The following CRK variants were observed in gnomAD, a reference collection of about 807,000 sequenced individuals.
The protein encoded by CRK is adapter molecule crk.
Under a neutral mutation model 29.8 loss-of-function variants are expected in CRK, and 4 were observed. The ratio of observed to expected loss-of-function variants is 0.13; its 90% CI spans 0.07 to 0.31. CRK has a LOEUF of 0.31. Ranked by LOEUF, CRK falls within the 10% of genes least tolerant of loss-of-function variation. The pLI, the probability that CRK is intolerant of heterozygous loss-of-function variation, is 1.00. For missense variants in CRK, 274 were observed against 396.5 expected (o/e 0.69, Z 2.62); for synonymous variants, 153 against 164.9 (o/e 0.93, Z 0.55).
intron 1 of CRK, among the ~76,000 whole-genome samples, chr17:1,448,706 G>T (rs1397848160): frequency 1.4e-5 from 2 of 147,712 alleles, no homozygotes; most frequent in African/African-American, 5.1e-5. Context: ...AATTCCTTCA[G>T]CAATTTTCAA....
chr17:1,449,148 G>C (rs1484926166), intron 1 of CRK, among the ~76,000 whole-genome samples: 2 of 152,118 alleles, frequency 1.3e-5, no homozygotes, highest in Non-Finnish European at 2.9e-5. Context: ...TCAAAATGAA[G>C]CACGTTTTAT....
chr17:1,441,329 T>C (rs1451202190), intron 1 of CRK, among the ~76,000 whole-genome samples: 1 of 151,844 alleles, frequency 6.6e-6, no homozygotes, highest in African/African-American at 2.4e-5. Flanking sequence ...GAGTACATGA[T>C]TTTGTTATTT....
At chr17:1,453,917 A>G (rs1598307524) in intron 1 of CRK, among the ~76,000 whole-genome samples, 1 of 144,860 alleles carries the variant, frequency 6.9e-6, no homozygotes, top group East Asian at 2.1e-4. Context: ...TCAAACAAAC[A>G]AAGCTGGGTG....
intron 1 of CRK, among the ~76,000 whole-genome samples, chr17:1,444,627 G>A (rs567801594): frequency 3.5e-5 from 5 of 144,228 alleles, no homozygotes; most frequent in East Asian, 4.1e-4. Context: ...TCGGGAGTTC[G>A]AGAGCAGCCT....
chr17:1,424,066 C>CCT (rs377118675), intron 2 of CRK, among the ~76,000 whole-genome samples: 5 of 114,144 alleles, frequency 4.4e-5, no homozygotes, highest in African/African-American at 1.6e-4. Flanking sequence ...CAGCTTTCTC[C>CCT]GTTTTTTTTT....
intron 1 of CRK, among the ~76,000 whole-genome samples, chr17:1,454,804 A>T (rs1427194611): frequency 6.6e-6 from 1 of 152,146 alleles, no homozygotes; most frequent in Non-Finnish European, 1.5e-5. Flanking sequence ...GTACCTCACA[A>T]ATCTCCAGTA....
At chr17:1,447,526 G>C (rs1409267793) in intron 1 of CRK, among the ~76,000 whole-genome samples, 1 of 151,812 alleles carries the variant, frequency 6.6e-6, no homozygotes, top group Non-Finnish European at 1.5e-5. Context: ...GGCTCTGTGG[G>C]CTAAAATAGG....
Position 1,455,887 on chromosome 17 carries a change from C to G in CRK, c.231G>C (p.Gln77His), listed in dbSNP as rs766205321. Residue 77 changes from glutamine (Q) to histidine (H), a missense_variant, in exon 1 of 3, where the codon CAG becomes CAC. By Grantham distance (24) the Gln-to-His change is conservative (BLOSUM62 0). This residue lies in a region of CRK where 135 missense variants were observed against 180.9 expected (regional missense o/e 0.75). Coordinates refer to ENST00000300574, the MANE Select transcript of CRK (RefSeq NM_016823.4). ...PRPPVPPSPA[Q>H]PPPGVSPSRL... ...CCGTCAGTCCCTCACCGGGCGGAGG[C>G]TGGGCGGGCGACGGTGGCACCGGCG... is the stretch of plus-strand genomic sequence containing the variant. The G allele has an allele frequency of 4.4e-6, 7 of 1,585,882 alleles. No individual in the cohort carries two copies. Among genetic ancestry groups the G allele is most frequent in the East Asian group, 2.4e-5 (1 of 41,800 alleles).
chr17:1,423,423 T>G lies in CRK; in HGVS notation c.*90A>C. ...GAATGCTTATATAAACTAGACTGCT[T>G]TTGACATCTGTAAGAAAATTGTATA... On this transcript the variant is annotated 3_prime_UTR_variant, in exon 3 of 3. Coordinates refer to ENST00000300574, the MANE Select transcript of CRK (RefSeq NM_016823.4). The G allele has an allele frequency of 6.7e-7, 1 of 1,494,340 alleles. No individual in the cohort carries two copies. Among genetic ancestry groups the G allele is most frequent in the Non-Finnish European group, 9.0e-7 (1 of 1,105,094 alleles). 92.6% of individuals were successfully genotyped at this position (1,494,340 alleles called of 1,614,324 possible).
chr17:1,433,508 GCTTTTTTTTT>G (rs1419818389), intron 2 of CRK, among the ~76,000 whole-genome samples: 2 of 114,368 alleles, frequency 1.7e-5, no homozygotes, highest in African/African-American at 7.1e-5. Flanking sequence ...ACCACGCCTG[GCTTTTTTTTT>G]TTTTTTTTTT....
chr17:1,453,284 A>G (rs964202269), intron 1 of CRK, among the ~76,000 whole-genome samples: 3 of 152,228 alleles, frequency 2.0e-5, no homozygotes, highest in Non-Finnish European at 4.4e-5. Context: ...CTCGATTATC[A>G]CGGTAAGTGT....
chr17:1,423,447 T>C lies in CRK; in HGVS notation c.*66A>G, dbSNP rs2073746871. ...TTTTGACATCTGTAAGAAAATTGTA[T>C]AGATGGCAGTTGGAAAAAAAAAAAA... On this transcript the variant is annotated 3_prime_UTR_variant, in exon 3 of 3. Coordinates refer to ENST00000300574, the MANE Select transcript of CRK (RefSeq NM_016823.4). The C allele has an allele frequency of 3.2e-6, 5 of 1,552,130 alleles. No individual in the cohort carries two copies. Among genetic ancestry groups the C allele is most frequent in the African/African-American group, 1.4e-5 (1 of 72,152 alleles).
intron 1 of CRK, 33 bp from the exon 2 acceptor site, chr17:1,437,188 ATGT>A: frequency 6.4e-7 from 1 of 1,550,480 alleles, no homozygotes. Flanking sequence ...TTATTTAATG[ATGT>A]ACTACACTGG....
At chr17:1,430,936 C>T (rs994552356) in intron 2 of CRK, among the ~76,000 whole-genome samples, 14 of 151,894 alleles carry the variant, frequency 9.2e-5, no homozygotes, top group African/African-American at 2.4e-4. Context: ...GGCGTGGTAG[C>T]AGGCGCCTGT....
At chr17:1,439,913 G>A (rs1475626989) in intron 1 of CRK, among the ~76,000 whole-genome samples, 1 of 152,130 alleles carries the variant, frequency 6.6e-6, no homozygotes. Context: ...AGAACTTTAG[G>A]AGGCTGAGGT....
chr17:1,432,988 C>G (rs2073858206), intron 2 of CRK, among the ~76,000 whole-genome samples: 1 of 152,112 alleles, frequency 6.6e-6, no homozygotes, highest in Non-Finnish European at 1.5e-5. Context: ...TGGAGTCATT[C>G]ATAAAGAAGA....
rs1336179856 is a variant in CRK at position 1,422,438 on chromosome 17, C to A, written c.*1075G>T. ...TCGGCCTCCCAAAGTGCTGGGATTACAGACGTGAGCCACCGCGCCCAGCCG... is the reference window on the plus strand; with the variant it reads ...TCGGCCTCCCAAAGTGCTGGGATTAAAGACGTGAGCCACCGCGCCCAGCCG... On this transcript the variant is annotated 3_prime_UTR_variant, in exon 3 of 3. Coordinates refer to ENST00000300574, the MANE Select transcript of CRK (RefSeq NM_016823.4). The A allele has an allele frequency of 6.6e-6, 1 of 152,334 alleles. No individual in the cohort carries two copies. Among genetic ancestry groups the A allele is most frequent in the African/African-American group, 2.4e-5 (1 of 41,446 alleles). 9.4% of individuals were successfully genotyped at this position (152,334 alleles called of 1,614,324 possible). A position where few individuals can be genotyped will look rare whatever the true frequency, so the allele number is the denominator to read the frequency against.
chr17:1,440,453 A>C (rs948338861), intron 1 of CRK, among the ~76,000 whole-genome samples: 7 of 151,894 alleles, frequency 4.6e-5, no homozygotes, highest in African/African-American at 1.7e-4. Context: ...ACCGAGCAAG[A>C]CCTTGACTCT....
intron 1 of CRK, among the ~76,000 whole-genome samples, chr17:1,443,685 C>T (rs2073952451): frequency 6.6e-6 from 1 of 151,502 alleles, no homozygotes. Flanking sequence ...AGGCGTGAGC[C>T]ACCGCGCCCA....
Sources: gnomAD v4.1 joint callset for allele counts (sites outside exome capture counted in the v4.1 genomes callset) on GRCh38, gnomAD v4.1.1 for gene constraint, gnomAD v4.1.1 regional missense constraint, MANE v1.5 for transcripts, NCBI Gene and HGNC (gene_info 2026-07-23, HGNC 2026-07-21) for gene names.